PDE4D: variants seen among roughly 807,000 people sequenced by gnomAD.
The protein encoded by PDE4D is 3',5'-cyclic-AMP phosphodiesterase 4D.
A neutral mutation model predicts 87.4 loss-of-function variants in PDE4D; 24 were observed. The observed-to-expected ratio is 0.27, with a 90% CI of 0.20 to 0.39. The LOEUF (loss-of-function observed/expected upper bound fraction) is 0.39. Among genes scored for constraint, PDE4D ranks in the 10% least tolerant of loss-of-function variants. The pLI, the probability that PDE4D is intolerant of heterozygous loss-of-function variation, is 1.00. For missense variants in PDE4D, 714 were observed against 1,041.0 expected, an observed-to-expected ratio of 0.69 and a Z score of 4.32; for synonymous variants, 384 against 383.2, an observed-to-expected ratio of 1.00 and a Z score of -0.02.
intron 6 of PDE4D, among the ~76,000 whole-genome samples, chr5:59,008,257 A>C (rs1254946001): frequency 5.9e-5 from 9 of 152,028 alleles, no homozygotes; most frequent in Non-Finnish European, 1.2e-4. Context: ...AATTCACTTA[A>C]ATTGGCCTAA....
At position 58,972,217 on chromosome 5, in the gene PDE4D, T is replaced by C. The variant is rs957413513; in HGVS notation, c.*2447A>G. On this transcript the variant is annotated 3_prime_UTR_variant, in exon 15 of 15. Coordinates refer to ENST00000340635, the MANE Select transcript of PDE4D (RefSeq NM_001104631.2). Reference sequence around the variant, plus strand: ...ACTCTAGACTCTTTACCTTTCTTTCTAGACTTCACTCAGGGACAAATAAAA... The same window carrying C: ...ACTCTAGACTCTTTACCTTTCTTTCCAGACTTCACTCAGGGACAAATAAAA... 1 of 152,622 alleles carries C rather than the reference T, an allele frequency of 6.6e-6. No homozygotes were observed. Among genetic ancestry groups the C allele is most frequent in the African/African-American group, 2.4e-5 (1 of 41,460 alleles). The allele number at this position is 152,622 out of a possible 1,614,324, so 9.5% of individuals were successfully genotyped here.
At chr5:60,056,127 T>A (rs1770750824) in intron 2 of PDE4D, among the ~76,000 whole-genome samples, 1 of 151,998 alleles carries the variant, frequency 6.6e-6, no homozygotes, top group Admixed American at 6.6e-5. Context: ...AATACCAATA[T>A]ATGTATGAGT....
chr5:59,973,472 C>A (rs1760992469), intron 3 of PDE4D, among the ~76,000 whole-genome samples: 1 of 148,946 alleles, frequency 6.7e-6, no homozygotes. Flanking sequence ...ATGACTATAT[C>A]ATAATCCATA....
chr5:59,669,777 AC>A (rs199697069), intron 1 of PDE4D, among the ~76,000 whole-genome samples: 36 of 151,094 alleles, frequency 2.4e-4, no homozygotes, highest in African/African-American at 2.9e-4. Context: ...GACTAAAGAC[AC>A]CCCCCCCAAT....
chr5:59,082,531 G>GT (rs528840158), intron 5 of PDE4D, among the ~76,000 whole-genome samples: 1 of 151,924 alleles, frequency 6.6e-6, no homozygotes, highest in East Asian at 1.9e-4. Context: ...TCCACAACAG[G>GT]TTTTTTTCTA....
At chr5:59,989,087 CATATAT>C (rs541522751) in intron 2 of PDE4D, among the ~76,000 whole-genome samples, 4 of 100,430 alleles carry the variant, frequency 4.0e-5, no homozygotes, top group South Asian at 3.7e-4. Flanking sequence ...ATGCATGTGT[CATATAT>C]ATATATATAT....
At chr5:60,282,208 C>CATATATATATACATATATAT (rs1235728150) in intron 1 of PDE4D, among the ~76,000 whole-genome samples, 11 of 128,376 alleles carry the variant, frequency 8.6e-5, no homozygotes, top group African/African-American at 3.1e-4. Context: ...GAGAAATAAA[C>CATATATATATACATATATAT]ATATATATAT....
intron 1 of PDE4D, among the ~76,000 whole-genome samples, chr5:59,438,451 A>G (rs894504061): frequency 1.3e-5 from 2 of 152,178 alleles, no homozygotes; most frequent in Admixed American, 6.5e-5. Flanking sequence ...GTCTCTGAAA[A>G]TAGTAGATGC....
At chr5:59,319,211 C>T (rs940346228) in intron 1 of PDE4D, among the ~76,000 whole-genome samples, 2 of 151,282 alleles carry the variant, frequency 1.3e-5, no homozygotes, top group Non-Finnish European at 3.0e-5. Context: ...CAAGACCTTT[C>T]TCCTTCCCTA....
chr5:59,760,137 A>G (rs556179842), intron 1 of PDE4D, among the ~76,000 whole-genome samples: 1 of 152,316 alleles, frequency 6.6e-6, no homozygotes, highest in East Asian at 1.9e-4. Context: ...TCTCTTAACA[A>G]CCATAAAAAC....
chr5:59,814,020 C>A (rs184521745), intron 1 of PDE4D, among the ~76,000 whole-genome samples: 59 of 152,196 alleles, frequency 3.9e-4, no homozygotes, highest in Non-Finnish European at 7.4e-4. Context: ...ATTCATACGC[C>A]TTAGGAAGAC....
chr5:60,486,272 G>GA (rs1423683295), intron 1 of PDE4D, among the ~76,000 whole-genome samples: 1 of 152,154 alleles, frequency 6.6e-6, no homozygotes, highest in East Asian at 1.9e-4. Context: ...GTATAGCTAA[G>GA]AATGAGCCAA....
At chr5:59,079,194 G>A (rs1343528000) in intron 5 of PDE4D, among the ~76,000 whole-genome samples, 1 of 151,972 alleles carries the variant, frequency 6.6e-6, no homozygotes, top group East Asian at 1.9e-4. Flanking sequence ...CAAGACTAAG[G>A]AGCATGAAAA....
intron 1 of PDE4D, among the ~76,000 whole-genome samples, chr5:59,448,946 TCAA>T (rs1369793289): frequency 6.6e-6 from 1 of 152,044 alleles, no homozygotes; most frequent in South Asian, 2.1e-4. Flanking sequence ...CTAGGGAATA[TCAA>T]CAACAACAAA....
chr5:59,297,476 C>CA (rs34187013), intron 1 of PDE4D, among the ~76,000 whole-genome samples: 10,989 of 152,056 alleles, frequency 0.072, 531 homozygotes, highest in South Asian at 0.13. Context: ...GAGTTTACAA[C>CA]AAAAAGAGGG....
At chr5:60,305,038 T>TATACACACACACACAC (rs1554202216) in intron 1 of PDE4D, among the ~76,000 whole-genome samples, 1 of 135,846 alleles carries the variant, frequency 7.4e-6, no homozygotes, top group African/African-American at 2.6e-5. Flanking sequence ...TTTTGAGCTA[T>TATACACACACACACAC]ACACACACAC....
At chr5:60,205,939 T>A (rs1372824309) in intron 1 of PDE4D, among the ~76,000 whole-genome samples, 1 of 152,016 alleles carries the variant, frequency 6.6e-6, no homozygotes, top group Non-Finnish European at 1.5e-5. Flanking sequence ...CAGGGAAAAA[T>A]CATAAATGTA....
intron 1 of PDE4D, among the ~76,000 whole-genome samples, chr5:60,405,372 A>C (rs1741442933): frequency 6.6e-6 from 1 of 152,238 alleles, no homozygotes; most frequent in Non-Finnish European, 1.5e-5. Context: ...TACCAAGAAT[A>C]CTTGCATTAT....
intron 6 of PDE4D, among the ~76,000 whole-genome samples, chr5:59,026,277 G>A (rs1224007186): frequency 6.6e-6 from 1 of 152,112 alleles, no homozygotes; most frequent in Non-Finnish European, 1.5e-5. Context: ...TGAGACATGA[G>A]TATCTAAAAG....
Sources: allele counts gnomAD v4.1 joint callset (sites outside exome capture counted in the v4.1 genomes callset), GRCh38; gene constraint gnomAD v4.1.1; transcripts MANE v1.5; gene names NCBI Gene and HGNC (gene_info 2026-07-23, HGNC 2026-07-21).